Variants in TRIP4 observed in about 807,000 individuals in gnomAD.
The protein encoded by TRIP4 is activating signal cointegrator 1.
Under a neutral mutation model 81.8 loss-of-function variants are expected in TRIP4, and 54 were observed. The ratio of observed to expected loss-of-function variants is 0.66; its 90% CI spans 0.53 to 0.83. TRIP4 has a LOEUF of 0.83. TRIP4 is among the 40% of genes least tolerant of loss of function. The pLI is 0.00. For missense variants in TRIP4, 662 were observed against 683.6 expected (o/e 0.97, Z 0.35); for synonymous variants, 270 against 242.8 (o/e 1.11, Z -1.04).
In TRIP4 at chr15:64,432,311, T is replaced by G. The variant is rs574211026; in HGVS notation, c.1575+6680T>G. 5.3e-5 allele frequency among the ~76,000 whole-genome samples: 8 copies of G among 152,194 alleles called. No homozygotes were observed. In the South Asian group the frequency reaches 1.5e-3, roughly 28 times the overall value. ...AAATTCTTAAGATTTTCATATATAT[T>G]TATTCATTAATAAATACTTGAGCCA... On this transcript the variant is annotated intron_variant, in intron 11 of 12. Transcript: ENST00000261884.
At chr15:64,418,314 G>C (rs552925848) in intron 8 of TRIP4, among the ~76,000 whole-genome samples, 1 of 152,178 alleles carries the variant, frequency 6.6e-6, no homozygotes, top group South Asian at 2.1e-4. Flanking sequence ...GTTTCACCAT[G>C]TTAGCCAGAC....
At chr15:64,433,696 C>G (rs1308718636) in intron 11 of TRIP4, among the ~76,000 whole-genome samples, 1 of 152,176 alleles carries the variant, frequency 6.6e-6, no homozygotes, top group Non-Finnish European at 1.5e-5. Flanking sequence ...GGTAGAAAAG[C>G]ATATTACAAG....
At chr15:64,435,250 A>T in intron 11 of TRIP4, among the ~76,000 whole-genome samples, 1 of 124,006 alleles carries the variant, frequency 8.1e-6, no homozygotes, top group Admixed American at 8.3e-5. Context: ...TGCCGGGTGC[A>T]GTGGCTCACG....
At chr15:64,403,294 C>CT (rs1366835930) in intron 5 of TRIP4, among the ~76,000 whole-genome samples, 1 of 152,072 alleles carries the variant, frequency 6.6e-6, no homozygotes, top group Non-Finnish European at 1.5e-5. Flanking sequence ...GTAGCTGGGA[C>CT]TACAGGCGTG....
intron 11 of TRIP4, among the ~76,000 whole-genome samples, chr15:64,439,097 G>A (rs1004857900): frequency 1.1e-4 from 16 of 152,152 alleles, no homozygotes; most frequent in African/African-American, 3.1e-4. Flanking sequence ...ATATTCAGTC[G>A]TCATCTGGTC....
chr15:64,449,249 T>C (rs1370304594), intron 12 of TRIP4, among the ~76,000 whole-genome samples: 1 of 151,288 alleles, frequency 6.6e-6, no homozygotes, highest in Non-Finnish European at 1.5e-5. Context: ...GCTTTACTTA[T>C]AACACTGTGG....
At chr15:64,406,179 C>A (rs1278697226) in intron 5 of TRIP4, 151 bp from the exon 6 acceptor site, 2 of 837,142 alleles carry the variant, frequency 2.4e-6, no homozygotes, top group Non-Finnish European at 3.7e-6. Context: ...ACAGGTAAGG[C>A]CTGGACTGTG....
chr15:64,439,512 C>CTTTTTTTTTTTT (rs71895300), intron 11 of TRIP4, among the ~76,000 whole-genome samples: 1 of 47,880 alleles, frequency 2.1e-5, no homozygotes, highest in African/African-American at 1.0e-4. Flanking sequence ...ACTTATAAAT[C>CTTTTTTTTTTTT]TTTTTTTTTT....
intron 9 of TRIP4, among the ~76,000 whole-genome samples, chr15:64,420,978 A>T (rs564079311): frequency 6.6e-6 from 1 of 152,054 alleles, no homozygotes; most frequent in Admixed American, 6.6e-5. Context: ...CGACTTTTCA[A>T]TCAGCAATGG....
intron 11 of TRIP4, among the ~76,000 whole-genome samples, chr15:64,428,455 A>G (rs1463371857): frequency 2.0e-5 from 3 of 152,162 alleles, no homozygotes; most frequent in Admixed American, 2.0e-4. Flanking sequence ...GAATCCTCCC[A>G]TATGTTTCCA....
At chr15:64,429,803 A>G (rs1208543679) in intron 11 of TRIP4, among the ~76,000 whole-genome samples, 2 of 152,148 alleles carry the variant, frequency 1.3e-5, no homozygotes, top group Admixed American at 6.6e-5. Flanking sequence ...CAGTATCTCC[A>G]TATTCATTTA....
chr15:64,441,779 T>A (rs540000937), intron 11 of TRIP4, among the ~76,000 whole-genome samples: 71 of 151,852 alleles, frequency 4.7e-4, no homozygotes, highest in African/African-American at 1.1e-3. Context: ...TCTCAAAAAA[T>A]ATATATATAT....
At chr15:64,451,716 C>T (rs1313281270) in intron 12 of TRIP4, among the ~76,000 whole-genome samples, 11 of 145,928 alleles carry the variant, frequency 7.5e-5, no homozygotes, top group South Asian at 4.4e-4. Context: ...TGCAATGGTG[C>T]GATCTTGGCT....
At chr15:64,393,192 C>G (rs1457379486) in intron 1 of TRIP4, 1 of 149,488 alleles carries the variant, frequency 6.7e-6, no homozygotes, top group Non-Finnish European at 1.5e-5. Context: ...CTCACTTGCC[C>G]AGGCTGGAGT....
chr15:64,400,488 T>G (rs1375632967), intron 4 of TRIP4, among the ~76,000 whole-genome samples: 1 of 150,914 alleles, frequency 6.6e-6, no homozygotes, highest in Non-Finnish European at 1.5e-5. Context: ...TTTTTTTTTT[T>G]TCTAAACCAT....
At chr15:64,443,344 G>C (rs998083517) in intron 11 of TRIP4, among the ~76,000 whole-genome samples, 1 of 152,198 alleles carries the variant, frequency 6.6e-6, no homozygotes, top group Non-Finnish European at 1.5e-5. Context: ...GAGATTGGCT[G>C]AAATGGTTTA....
intron 11 of TRIP4, among the ~76,000 whole-genome samples, chr15:64,431,877 C>CTTTTTTTTT (rs1199638489): frequency 4.6e-4 from 24 of 52,506 alleles, no homozygotes; most frequent in Non-Finnish European, 6.9e-4. Flanking sequence ...ATTGTGTTTT[C>CTTTTTTTTT]TTTTTTTTTT....
intron 4 of TRIP4, among the ~76,000 whole-genome samples, chr15:64,398,624 A>G (rs75469051): frequency 0.017 from 2,530 of 152,012 alleles, 65 homozygotes; most frequent in African/African-American, 0.058. Flanking sequence ...TGAGGCCATT[A>G]ATGAGAAGGG....
intron 11 of TRIP4, among the ~76,000 whole-genome samples, chr15:64,431,491 C>G (rs1892270520): frequency 6.6e-6 from 1 of 151,924 alleles, no homozygotes; most frequent in Non-Finnish European, 1.5e-5. Context: ...ATCATGAGGT[C>G]AGGAGTTCAA....
Sources: allele counts gnomAD v4.1 joint callset (sites outside exome capture counted in the v4.1 genomes callset), GRCh38; gene constraint gnomAD v4.1.1; transcripts MANE v1.5; gene names NCBI Gene and HGNC (gene_info 2026-07-23, HGNC 2026-07-21).